The following TFEC variants were observed in gnomAD, a reference collection of about 807,000 sequenced individuals.
TFEC encodes class E basic helix-loop-helix protein 34.
Under a neutral mutation model 41.6 loss-of-function variants are expected in TFEC, and 31 were observed. The ratio of observed to expected loss-of-function variants is 0.74; its 90% CI spans 0.56 to 1.01. The LOEUF is 1.01. Among genes scored for constraint, TFEC ranks in the 50% least tolerant of loss-of-function variants. The pLI is 0.00. For missense variants in TFEC, 402 were observed against 404.1 expected, an observed-to-expected ratio of 0.99 and a Z score of 0.04; for synonymous variants, 143 against 140.6, an observed-to-expected ratio of 1.02 and a Z score of -0.12.
At chr7:116,081,843 G>A (rs1584492932) in intron 3 of TFEC, among the ~76,000 whole-genome samples, 1 of 152,058 alleles carries the variant, frequency 6.6e-6, no homozygotes, top group Non-Finnish European at 1.5e-5. Context: ...TTTATACCTT[G>A]GTAACTTCAA....
intron 1 of TFEC, among the ~76,000 whole-genome samples, chr7:116,021,202 T>A (rs1795382653): frequency 6.6e-6 from 1 of 152,048 alleles, no homozygotes; most frequent in Non-Finnish European, 1.5e-5. Flanking sequence ...TCATAAAAGG[T>A]TTTGTTTGGG....
chr7:116,101,337 A>G (rs1161872012), intron 3 of TFEC, among the ~76,000 whole-genome samples: 1 of 152,142 alleles, frequency 6.6e-6, no homozygotes, highest in African/African-American at 2.4e-5. Context: ...TAAAATATCA[A>G]TAAGAGAATC....
chr7:115,960,659 A>T (rs1459697069), intron 3 of TFEC, among the ~76,000 whole-genome samples: 4 of 151,634 alleles, frequency 2.6e-5, no homozygotes, highest in African/African-American at 7.2e-5. Flanking sequence ...ATGAATTAAG[A>T]AGAGCAAGTG....
Position 115,940,537 on chromosome 7 carries a change from G to A in TFEC, c.*14C>T. ...GAATTGCTTTCCAGTTGATGAATTG[G>A]GTCTGTTTATTTCTTATAATTCATC... On this transcript the variant is annotated 3_prime_UTR_variant, in exon 8 of 8. Transcript: ENST00000265440. The A allele has an allele frequency of 6.3e-7, 1 of 1,589,882 alleles. No homozygotes were observed. Among genetic ancestry groups the A allele is most frequent in the Middle Eastern group, 1.7e-4 (1 of 5,900 alleles).
chr7:116,129,652 G>T (rs150634488), intron 1 of TFEC, among the ~76,000 whole-genome samples: 1,541 of 145,838 alleles, frequency 0.011, 30 homozygotes, highest in African/African-American at 0.038. Flanking sequence ...GAGTGCAGTG[G>T]TGGGATCTCA....
Position 116,126,178 on chromosome 7 carries a change from C to G in TFEC, c.-68-14140G>C, listed in dbSNP as rs181949341. ...TCAGAAGAAAATGAGAAAATGTGTTCAGGGGATAAAAGAAAAAAACAAAGC... is the reference window on the plus strand; with the variant it reads ...TCAGAAGAAAATGAGAAAATGTGTTGAGGGGATAAAAGAAAAAAACAAAGC... On this transcript the variant is annotated intron_variant, in intron 1 of 8. Coordinates refer to the TFEC transcript ENST00000484212. Among the ~76,000 whole-genome samples, 480 of 152,096 alleles carry G rather than the reference C, an allele frequency of 3.2e-3. 2 individuals carry two copies. Among genetic ancestry groups the G allele is most frequent in the African/African-American group, 0.011 (460 of 41,512 alleles).
At chr7:116,128,977 T>C (rs1798272535) in intron 1 of TFEC, among the ~76,000 whole-genome samples, 1 of 151,844 alleles carries the variant, frequency 6.6e-6, no homozygotes, top group Non-Finnish European at 1.5e-5. Context: ...AGTAAACAAA[T>C]TATTATCATC....
At chr7:116,120,811 C>A (rs1798093454) in intron 1 of TFEC, among the ~76,000 whole-genome samples, 1 of 151,912 alleles carries the variant, frequency 6.6e-6, no homozygotes, top group Admixed American at 6.6e-5. Flanking sequence ...CATTTTATAT[C>A]TTCACTATCT....
chr7:115,952,213 G>T (rs953739751), intron 5 of TFEC, among the ~76,000 whole-genome samples: 1 of 151,856 alleles, frequency 6.6e-6, no homozygotes. Context: ...ATTGGTTCTG[G>T]TAAGAGTTTA....
At chr7:115,981,488 A>C (rs371662479) in intron 2 of TFEC, among the ~76,000 whole-genome samples, 10 of 152,318 alleles carry the variant, frequency 6.6e-5, no homozygotes, top group Admixed American at 6.5e-4. Flanking sequence ...TTAACTTATA[A>C]ATTTGCCAAA....
chr7:116,046,833 C>T (rs1796177316), intron 3 of TFEC, among the ~76,000 whole-genome samples: 1 of 152,124 alleles, frequency 6.6e-6, no homozygotes, highest in Non-Finnish European at 1.5e-5. Context: ...AATCATGCCA[C>T]AATTTATAAT....
chr7:115,950,960 A>T lies in TFEC; in HGVS notation c.440-11T>A. Reference sequence around the variant, plus strand: ...TTCTTCTTCTTTCAACTATTAAAGAAGAAATATTATTGATTATTCTCATTA... The same window carrying T: ...TTCTTCTTCTTTCAACTATTAAAGATGAAATATTATTGATTATTCTCATTA... On this transcript the variant is annotated splice_polypyrimidine_tract_variant and intron_variant, in intron 5 of 7. Coordinates refer to ENST00000265440, the MANE Select transcript of TFEC (RefSeq NM_012252.4). 1 of 1,520,960 alleles carries T rather than the reference A, an allele frequency of 6.6e-7. No individual in the cohort carries two copies. Among genetic ancestry groups the T allele is most frequent in the Non-Finnish European group, 9.0e-7 (1 of 1,105,028 alleles). 94.2% of individuals were successfully genotyped at this position (1,520,960 alleles called of 1,614,324 possible). A position where few individuals can be genotyped will look rare whatever the true frequency, so the allele number is the denominator to read the frequency against.
At position 116,036,947 on chromosome 7, in the gene TFEC, TAATAG is replaced by T. The variant is rs1795925583; in HGVS notation, c.199-52439_199-52435del. On this transcript the variant is annotated intron_variant, in intron 3 of 8. Transcript: ENST00000484212. ...AGTTGGCCACTAAGGCAACAGTTGA[TAATAG>T]ATAACATTTAAGTTTAAAATATTAG... Among the ~76,000 whole-genome samples, 5 of 152,186 alleles carry T rather than the reference TAATAG, an allele frequency of 3.3e-5. No individual in the cohort carries two copies. In the South Asian group the frequency reaches 1.0e-3, roughly 32 times the overall value.
intron 1 of TFEC, among the ~76,000 whole-genome samples, chr7:116,005,034 A>G (rs1218156043): frequency 6.6e-6 from 1 of 152,122 alleles, no homozygotes; most frequent in African/African-American, 2.4e-5. Flanking sequence ...GCCATGTGAG[A>G]CATGCCTTTC....
intron 1 of TFEC, among the ~76,000 whole-genome samples, chr7:116,002,465 GT>G (rs1252540064): frequency 3.3e-5 from 5 of 152,158 alleles, no homozygotes; most frequent in Non-Finnish European, 7.4e-5. Context: ...ATTTGTGGGA[GT>G]TAAAAATTAA....
intron 6 of TFEC, among the ~76,000 whole-genome samples, chr7:115,946,466 A>G (rs1416588785): frequency 6.8e-6 from 1 of 147,672 alleles, no homozygotes. Context: ...CCCAGGCTGG[A>G]ATGCAGTGGT....
intron 1 of TFEC, among the ~76,000 whole-genome samples, chr7:115,995,571 C>T (rs1794330339): frequency 6.6e-6 from 1 of 152,122 alleles, no homozygotes; most frequent in African/African-American, 2.4e-5. Flanking sequence ...ATCCTCCATG[C>T]AGGAACAACA....
In TFEC at chr7:115,940,728, G is replaced by A; in HGVS notation, c.867C>T (p.Phe289=). 1 of 1,613,500 alleles carries A rather than the reference G, an allele frequency of 6.2e-7. No homozygotes were observed. The highest frequency in any genetic ancestry group is 8.5e-7 in the Non-Finnish European group (1 of 1,179,624). ...ATGCAGCACTAAATGATAAATCTGT[G>A]AAGTATGACAAAGGATCAGAAAAGG... ...AIAFSDPLSY[F]TDLSFSAALK... is the part of the protein sequence containing the mutation. The change falls in exon 8 of 8, where the codon TTC becomes TTT. Residue 289 remains phenylalanine (F), a synonymous_variant. Transcript: ENST00000265440.
chr7:115,973,625 C>T (rs1316931551), intron 3 of TFEC, among the ~76,000 whole-genome samples: 1 of 151,990 alleles, frequency 6.6e-6, no homozygotes, highest in Non-Finnish European at 1.5e-5. Context: ...GGAATTTGTA[C>T]TGATTTCAAC....
Sources: gnomAD v4.1 joint callset for allele counts (sites outside exome capture counted in the v4.1 genomes callset) on GRCh38, gnomAD v4.1.1 for gene constraint, MANE v1.5 for transcripts, NCBI Gene and HGNC (gene_info 2026-07-23, HGNC 2026-07-21) for gene names.